The following ATP6V1B1 variants were observed in gnomAD, a reference collection of about 807,000 sequenced individuals.
The protein encoded by ATP6V1B1 is V-type proton ATPase subunit B, kidney isoform.
A neutral mutation model predicts 62.1 loss-of-function variants in ATP6V1B1; 41 were observed. That is an observed-to-expected ratio of 0.66 (90% confidence interval 0.51 to 0.86). The LOEUF (loss-of-function observed/expected upper bound fraction) is 0.86. Among genes scored for constraint, ATP6V1B1 ranks in the 40% least tolerant of loss-of-function variants. The pLI is 0.00. For missense variants in ATP6V1B1, 651 were observed against 697.5 expected, an observed-to-expected ratio of 0.93 and a Z score of 0.75; for synonymous variants, 253 against 273.4, an observed-to-expected ratio of 0.93 and a Z score of 0.74.
intron 1 of ATP6V1B1, among the ~76,000 whole-genome samples, chr2:70,937,415 G>A (rs1679883129): frequency 6.6e-6 from 1 of 152,102 alleles, no homozygotes; most frequent in Non-Finnish European, 1.5e-5. Flanking sequence ...TTCCAGCTAA[G>A]AAGAAATGGT....
chr2:70,944,548 T>C (rs896921235), intron 2 of ATP6V1B1, among the ~76,000 whole-genome samples: 3 of 152,134 alleles, frequency 2.0e-5, no homozygotes, highest in African/African-American at 7.2e-5. Flanking sequence ...GTGATGGCGA[T>C]GGCCTTGGGC....
At chr2:70,942,470 G>A (rs1553416565) in intron 1 of ATP6V1B1, 1 of 398,330 alleles carries the variant, frequency 2.5e-6, no homozygotes, top group Admixed American at 4.4e-5. Context: ...AAAAGAAGAA[G>A]CTTGACCACA....
At chr2:70,945,798 G>A (rs782656206) in intron 2 of ATP6V1B1, among the ~76,000 whole-genome samples, 23 of 143,004 alleles carry the variant, frequency 1.6e-4, no homozygotes, top group Non-Finnish European at 2.9e-4. Flanking sequence ...TATTGCTCCT[G>A]GCTAGCTGTA....
rs1331787613 is a variant in ATP6V1B1 at position 70,958,162 on chromosome 2, G to A, written c.273+18G>A. The A allele has an allele frequency of 6.2e-7, 1 of 1,611,720 alleles. No homozygotes were observed. Among genetic ancestry groups the A allele is most frequent in the South Asian group, 1.1e-5 (1 of 90,840 alleles). ...TTGTTCAGGTGAGTGGGGTCAATGG[G>A]ACATTGGCTAGTTAAATCAATGAAT... is the stretch of plus-strand genomic sequence containing the variant. On this transcript the variant is annotated intron_variant, in intron 3 of 13. Coordinates refer to ENST00000234396, the MANE Select transcript of ATP6V1B1 (RefSeq NM_001692.4).
chr2:70,943,458 T>TC, intron 1 of ATP6V1B1, 200 bp from the exon 2 acceptor site: 4 of 695,064 alleles, frequency 5.8e-6, no homozygotes, highest in Non-Finnish European at 7.8e-6. Flanking sequence ...CCTGCAGGTG[T>TC]CCGAGCAGCA....
rs535692439 is a variant in ATP6V1B1 at position 70,942,325 on chromosome 2, T to C, written c.119-1333T>C. 7.3e-4 allele frequency: 290 copies of C among 398,774 alleles called. 1 individual carries two copies. The highest frequency in any genetic ancestry group is 5.4e-3 in the African/African-American group (263 of 48,768). The allele number at this position is 398,774 out of a possible 1,614,324, so 24.7% of individuals were successfully genotyped here. ...AAGTGCAAGTTGAACTTATCTTCTC[T>C]GGCTGTCCTCAAGGCCCGGAGTTTT... On this transcript the variant is annotated intron_variant, in intron 1 of 13. Coordinates refer to ENST00000234396, the MANE Select transcript of ATP6V1B1 (RefSeq NM_001692.4).
At chr2:70,964,007 C>T (rs975969577) in intron 11 of ATP6V1B1, 11 of 443,680 alleles carry the variant, frequency 2.5e-5, no homozygotes, top group African/African-American at 2.2e-4. Flanking sequence ...CTTCCCTTTC[C>T]AGTTATTTGC....
chr2:70,941,899 G>A (rs1217911750), intron 1 of ATP6V1B1: 8 of 987,644 alleles, frequency 8.1e-6, no homozygotes, highest in Non-Finnish European at 7.2e-6. Flanking sequence ...TCTGAGTGTA[G>A]CCATCGGAGG....
intron 7 of ATP6V1B1, 119 bp from the exon 8 acceptor site, chr2:70,961,477 C>A: frequency 9.4e-7 from 1 of 1,067,224 alleles, no homozygotes; most frequent in Non-Finnish European, 1.4e-6. Flanking sequence ...TTGGTGTCTT[C>A]ACCCCCAGCG....
chr2:70,935,985 G>A lies in ATP6V1B1; in HGVS notation c.31G>A (p.Gly11Arg), dbSNP rs781992150. 9.9e-6 allele frequency: 16 copies of A among 1,613,854 alleles called. No individual in the cohort carries two copies. The highest frequency in any genetic ancestry group is 1.3e-5 in the African/African-American group (1 of 74,936). The change falls in exon 1 of 14, where the codon GGG becomes AGG. Residue 11 changes from glycine to arginine, a missense_variant. By Grantham distance (125) the Gly-to-Arg change is moderately radical. Coordinates refer to ENST00000234396, the MANE Select transcript of ATP6V1B1 (RefSeq NM_001692.4). MAMEIDSRPG[G>R]LPGSSCNLGA... ...CATGGAGATAGACAGCAGGCCTGGG[G>A]GGCTCCCCGGCAGTAGCTGCAACCT...
At chr2:70,944,712 A>G (rs1318329040) in intron 2 of ATP6V1B1, among the ~76,000 whole-genome samples, 1 of 124,636 alleles carries the variant, frequency 8.0e-6, no homozygotes, top group Non-Finnish European at 1.6e-5. Context: ...TCTGTCCCCC[A>G]GGCTGGAGTG....
intron 2 of ATP6V1B1, among the ~76,000 whole-genome samples, chr2:70,957,398 C>A (rs1680465638): frequency 6.6e-6 from 1 of 152,090 alleles, no homozygotes. Flanking sequence ...CCACACCCAG[C>A]CTGAGTTCTG....
At chr2:70,951,614 A>G (rs1395580258) in intron 2 of ATP6V1B1, among the ~76,000 whole-genome samples, 2 of 152,222 alleles carry the variant, frequency 1.3e-5, no homozygotes, top group Non-Finnish European at 2.9e-5. Flanking sequence ...CCTTTAAAAA[A>G]ATAGAACACT....
chr2:70,961,276 G>A (rs1553420060), intron 7 of ATP6V1B1, among the ~76,000 whole-genome samples: 1 of 152,250 alleles, frequency 6.6e-6, no homozygotes, highest in African/African-American at 2.4e-5. Context: ...ATAGCTTCAG[G>A]AACGGGAGGC....
At chr2:70,940,650 C>T (rs1243523123) in intron 1 of ATP6V1B1, 2 of 985,268 alleles carry the variant, frequency 2.0e-6, no homozygotes, top group African/African-American at 3.5e-5. Context: ...TTCCTATGCC[C>T]AACAGCCCCT....
intron 1 of ATP6V1B1, among the ~76,000 whole-genome samples, chr2:70,938,277 TGGGGCCTGTGGACAGGC>T (rs1459322869): frequency 9.2e-5 from 14 of 152,078 alleles, no homozygotes; most frequent in Non-Finnish European, 1.5e-5. Context: ...TGGTTCTCCC[TGGGGCCTGTGGACAGGC>T]GCAGGGCTGG....
At chr2:70,943,852 A>C in intron 2 of ATP6V1B1, 139 bp downstream of exon 2, 1 of 1,299,138 alleles carries the variant, frequency 7.7e-7, no homozygotes, top group Non-Finnish European at 1.1e-6. Flanking sequence ...CCAGGCACCC[A>C]CTCCCACTCT....
Position 70,963,516 on chromosome 2 carries a change from G to C in ATP6V1B1, c.1061-56G>C. 3 of 1,578,424 alleles carry C rather than the reference G, an allele frequency of 1.9e-6. No homozygotes were observed. Among genetic ancestry groups the C allele is most frequent in the Non-Finnish European group, 2.6e-6 (3 of 1,147,914 alleles). ...AGGGAAACAGACCCCAGGTGGCCCT[G>C]AGTGGTTGGAGACCTGGGCCCCCAC... On this transcript the variant is annotated intron_variant, in intron 10 of 13. Coordinates refer to ENST00000234396, the MANE Select transcript of ATP6V1B1 (RefSeq NM_001692.4). The surrounding 1 kb of genome is among the most constrained non-coding windows in gnomAD (Gnocchi z 4.3).
intron 1 of ATP6V1B1, among the ~76,000 whole-genome samples, chr2:70,938,999 A>G (rs1553415984): frequency 6.6e-6 from 1 of 152,222 alleles, no homozygotes; most frequent in East Asian, 1.9e-4. Context: ...TGGGCTGAAG[A>G]GCCCTCAGCT....
Sources: allele counts gnomAD v4.1 joint callset (sites outside exome capture counted in the v4.1 genomes callset), GRCh38; gene constraint gnomAD v4.1.1; non-coding constraint Gnocchi (gnomAD v3.1); transcripts MANE v1.5; gene names NCBI Gene and HGNC (gene_info 2026-07-23, HGNC 2026-07-21).